RTEL1: variants seen among roughly 807,000 people sequenced by gnomAD.
The protein encoded by RTEL1 is regulator of telomere length.
In RTEL1, 86 loss-of-function variants were observed where a neutral mutation model predicts 162.2. The observed-to-expected ratio is 0.53, with a 90% confidence interval of 0.45 to 0.63. RTEL1 has a LOEUF of 0.63. Among genes scored for constraint, RTEL1 ranks in the 30% least tolerant of loss-of-function variants. The pLI is 0.00. For synonymous variants in RTEL1, 958 were observed against 717.9 expected (o/e 1.33, Z -5.35); for missense variants, 1,941 against 1,750.2 (o/e 1.11, Z -1.95).
intron 6 of RTEL1, among the ~76,000 whole-genome samples, chr20:63,663,972 G>T (rs529031638): frequency 6.6e-6 from 1 of 152,308 alleles, no homozygotes; most frequent in East Asian, 1.9e-4. Flanking sequence ...GGCCTGCAGG[G>T]AGGCTCCCGC....
In RTEL1 at chr20:63,693,723, A is replaced by ACCACCT. The variant is rs2090881003; in HGVS notation, c.2992+445_2992+446insTCCACC. ...CACCACCTCCACCACCACCACCTGC[A>ACCACCT]CCACCACCTCCACCTCCACCACCAC... On this transcript the variant is annotated intron_variant, in intron 30 of 34. Transcript: ENST00000360203. Among the ~76,000 whole-genome samples, 2 of 1,518 alleles carry ACCACCT rather than the reference A, an allele frequency of 1.3e-3. 1 individual carries two copies. The allele number at this position is 1,518 out of a possible 152,430, so 1.0% of individuals were successfully genotyped here.
intron 30 of RTEL1, among the ~76,000 whole-genome samples, chr20:63,693,761 C>G (rs536751985): frequency 7.6e-6 from 1 of 130,846 alleles, no homozygotes; most frequent in Admixed American, 7.9e-5. Flanking sequence ...CCACCTCCAC[C>G]TCCACCAGCA....
chr20:63,693,354 C>A (rs1304156872), intron 30 of RTEL1, 71 bp downstream of exon 30: 10 of 1,581,004 alleles, frequency 6.3e-6, no homozygotes, highest in African/African-American at 1.3e-5. Context: ...TCCTGGGCTG[C>A]TTGGGGTGGG....
In RTEL1 at chr20:63,687,748, T is replaced by C. The variant is rs761008826; in HGVS notation, c.1459T>C (p.Ser487Pro). 6.3e-7 allele frequency: 1 copy of C among 1,581,070 alleles called. No individual in the cohort carries two copies. The highest frequency in any genetic ancestry group is 8.6e-7 in the Non-Finnish European group (1 of 1,164,890). Reference sequence around the variant, plus strand: ...CAGCGGCACGCTGGCCCCGGTGTCCTCCTTTGCTCTGGAGATGCAGATGTA... The same window carrying C: ...CAGCGGCACGCTGGCCCCGGTGTCCCCCTTTGCTCTGGAGATGCAGATGTA... ...LTSGTLAPVS[S>P]FALEMQIPFP... Residue 487 changes from serine (S) to proline (P), a missense_variant, in exon 17 of 35, where the codon TCC (serine) becomes CCC (proline). Transcript: ENST00000360203.
In RTEL1 at chr20:63,689,822, C is replaced by T. The variant is rs1003156687; in HGVS notation, c.2098C>T (p.Arg700Trp). 1.5e-5 allele frequency: 24 copies of T among 1,611,690 alleles called. No individual in the cohort carries two copies. Among genetic ancestry groups the T allele is most frequent in the Non-Finnish European group, 1.8e-5 (21 of 1,179,750 alleles). The change falls in exon 24 of 35, where the codon CGG (arginine) becomes TGG (tryptophan). Residue 700 changes from arginine (R) to tryptophan (W), a missense_variant. By Grantham distance (101) the Arg-to-Trp change is moderately radical. Coordinates refer to ENST00000360203, the MANE Select transcript of RTEL1 (RefSeq NM_001283009.2). The part of the protein sequence containing the change: ...AVNQAIGRVI[R>W]HRQDYGAVFL... ...GAACCAGGCCATCGGGCGAGTGATC[C>T]GGCACCGCCAGGACTACGGAGCTGT...
At chr20:63,692,665 C>G in intron 28 of RTEL1, 140 bp from the exon 29 acceptor site, 1 of 799,462 alleles carries the variant, frequency 1.3e-6, no homozygotes, top group South Asian at 1.7e-5. Flanking sequence ...GTCCATCCAG[C>G]CAGCCAGTTT....
At chr20:63,666,934 A>G (rs374349228) in intron 7 of RTEL1, among the ~76,000 whole-genome samples, 1,537 of 145,666 alleles carry the variant, frequency 0.011, 26 homozygotes, top group African/African-American at 0.037. Context: ...CCGCCTCCCG[A>G]GTTCACGCCA....
chr20:63,673,469 CCTT>C (rs1301407023), intron 9 of RTEL1, among the ~76,000 whole-genome samples: 2 of 152,160 alleles, frequency 1.3e-5, no homozygotes, highest in Admixed American at 6.5e-5. Context: ...GACAGGGTCT[CCTT>C]CTGTCGTCCA....
In RTEL1 at chr20:63,694,361, C is replaced by G; in HGVS notation, c.2993-11C>G. The G allele has an allele frequency of 2.0e-6, 3 of 1,489,132 alleles. No individual in the cohort carries two copies. The highest frequency in any genetic ancestry group is 1.4e-5 in the African/African-American group (1 of 71,294). The allele number at this position is 1,489,132 out of a possible 1,614,324, so 92.2% of individuals were successfully genotyped here. On this transcript the variant is annotated splice_polypyrimidine_tract_variant and intron_variant, in intron 30 of 34. Transcript: ENST00000360203. ...CTCGACCAGCTTTGTGGCTCTACAT[C>G]TCTTCATCAGGAAGAACGGCGCCGG...
chr20:63,672,521 G>T, intron 8 of RTEL1, 35 bp from the exon 9 acceptor site: 1 of 1,526,756 alleles, frequency 6.5e-7, no homozygotes, highest in Non-Finnish European at 8.9e-7. Flanking sequence ...GCCTCTGTGA[G>T]CTCCAGCGCT....
chr20:63,688,957 G>A lies in RTEL1; in HGVS notation c.1801-98G>A, dbSNP rs73317998. On this transcript the variant is annotated intron_variant, in intron 21 of 34. Transcript: ENST00000360203. ...CCCGATTGGCCTTCCTGGCTAGGAC[G>A]ATCCTTCATCTTGGAGCATGAGACC... The A allele has an allele frequency of 7.6e-5, 84 of 1,101,236 alleles. No individual in the cohort carries two copies. In the African/African-American group the frequency reaches 1.2e-3, roughly 15 times the overall value. The allele number at this position is 1,101,236 out of a possible 1,614,324, so 68.2% of individuals were successfully genotyped here.
intron 10 of RTEL1, among the ~76,000 whole-genome samples, chr20:63,674,618 T>G (rs1368715947): frequency 6.6e-6 from 1 of 151,978 alleles, no homozygotes; most frequent in Non-Finnish European, 1.5e-5. Context: ...GGAGGCGTGC[T>G]TGAGCCTGGG....
chr20:63,669,239 C>T (rs1459572961), intron 8 of RTEL1, among the ~76,000 whole-genome samples: 2 of 152,188 alleles, frequency 1.3e-5, no homozygotes, highest in Non-Finnish European at 2.9e-5. Flanking sequence ...GTGCTAAGAA[C>T]AGCTGGATAT....
intron 24 of RTEL1, 54 bp from the exon 25 acceptor site, chr20:63,690,033 C>T: frequency 1.3e-6 from 2 of 1,590,214 alleles, no homozygotes; most frequent in Non-Finnish European, 1.7e-6. Flanking sequence ...CTTCGGTGAA[C>T]TGAACCCTTG....
rs1402936667 is a variant in RTEL1, at chr20:63,662,655, C to T, written c.477+28C>T. On this transcript the variant is annotated intron_variant, in intron 5 of 34. Coordinates refer to ENST00000360203, the MANE Select transcript of RTEL1 (RefSeq NM_001283009.2). The stretch of plus-strand genomic sequence containing the variant: ...AGGCTCCTGGGCTCCCGCTCCGGCT[C>T]AGTGTCCGACAGGCGAGTGCTGCTG... 14 of 1,612,854 alleles carry T rather than the reference C, an allele frequency of 8.7e-6. No homozygotes were observed. In the East Asian group the frequency reaches 2.7e-4, roughly 31 times the overall value.
intron 17 of RTEL1, 65 bp downstream of exon 17, chr20:63,687,835 G>T (rs1260350040): frequency 6.4e-7 from 1 of 1,557,648 alleles, no homozygotes; most frequent in Non-Finnish European, 8.7e-7. Flanking sequence ...GGGTGGAAGT[G>T]GTGGGGGTCC....
intron 10 of RTEL1, among the ~76,000 whole-genome samples, chr20:63,675,007 A>G (rs2090320714): frequency 6.6e-6 from 1 of 151,686 alleles, no homozygotes; most frequent in South Asian, 2.1e-4. Context: ...TCCTGGGTTC[A>G]AGCAATTCTC....
chr20:63,671,459 C>T (rs1342773865), intron 8 of RTEL1, among the ~76,000 whole-genome samples: 1 of 151,966 alleles, frequency 6.6e-6, no homozygotes, highest in Non-Finnish European at 1.5e-5. Flanking sequence ...GAACTCAGTA[C>T]ACTTAAAATG....
Position 63,695,337 on chromosome 20 carries a change from G to T in RTEL1, c.3509G>T (p.Arg1170Leu). The change falls in exon 34 of 35, where the codon CGG becomes CTG. Residue 1170 changes from arginine (R) to leucine (L), a missense_variant. By Grantham distance (102) the Arg-to-Leu change is moderately radical. Coordinates refer to ENST00000360203, the MANE Select transcript of RTEL1 (RefSeq NM_001283009.2). The part of the protein sequence containing the change: ...THRAPQPGPS[R>L]SEKTGKTQSK... ...AAGTCTCTGTCTCCAGGCCCCTCAC[G>T]GTCCGAGAAGACCGGGAAGACCCAG... 1 of 1,555,716 alleles carries T rather than the reference G, an allele frequency of 6.4e-7. No homozygotes were observed. Among genetic ancestry groups the T allele is most frequent in the Non-Finnish European group, 8.7e-7 (1 of 1,150,760 alleles).
Sources: allele counts gnomAD v4.1 joint callset (sites outside exome capture counted in the v4.1 genomes callset), GRCh38; gene constraint gnomAD v4.1.1; transcripts MANE v1.5; gene names NCBI Gene and HGNC (gene_info 2026-07-23, HGNC 2026-07-21).